ELAC2: variants seen among roughly 807,000 people sequenced by gnomAD.
The protein encoded by ELAC2 is zinc phosphodiesterase ELAC protein 2.
A neutral mutation model predicts 105.2 loss-of-function variants in ELAC2; 92 were observed. The ratio of observed to expected loss-of-function variants is 0.87; its 90% CI spans 0.74 to 1.04. The LOEUF (loss-of-function observed/expected upper bound fraction) is 1.04. ELAC2 is among the 50% of genes least tolerant of loss of function. ELAC2 has a pLI of 0.00. For missense variants in ELAC2, 1,099 were observed against 1,071.7 expected (o/e 1.03, Z -0.36); for synonymous variants, 468 against 409.1 (o/e 1.14, Z -1.74).
chr17:13,001,470 C>A (rs975429326), intron 14 of ELAC2, among the ~76,000 whole-genome samples: 3 of 151,764 alleles, frequency 2.0e-5, no homozygotes, highest in Admixed American at 6.6e-5. Context: ...CCAGCCTGGG[C>A]AACAAGAGTG....
At chr17:13,016,366 C>T (rs535543499) in intron 3 of ELAC2, among the ~76,000 whole-genome samples, 3 of 152,336 alleles carry the variant, frequency 2.0e-5, no homozygotes, top group African/African-American at 7.2e-5. Context: ...TGCCACAAAT[C>T]TCTGTCCCCG....
intron 4 of ELAC2, among the ~76,000 whole-genome samples, chr17:13,015,159 G>T (rs1454567996): frequency 6.6e-6 from 1 of 152,210 alleles, no homozygotes; most frequent in Non-Finnish European, 1.5e-5. Flanking sequence ...GCTGCTGTGT[G>T]GCAGATGGAT....
rs2040229121 is a variant in ELAC2 at position 12,992,415 on chromosome 17, C to T, written c.*403G>A. 1 of 367,470 alleles carries T rather than the reference C, an allele frequency of 2.7e-6. No homozygotes were observed. Among genetic ancestry groups the T allele is most frequent in the Non-Finnish European group, 5.1e-6 (1 of 196,804 alleles). 22.8% of individuals were successfully genotyped at this position (367,470 alleles called of 1,614,324 possible). On this transcript the variant is annotated 3_prime_UTR_variant, in exon 24 of 24. Coordinates refer to ENST00000338034, the MANE Select transcript of ELAC2 (RefSeq NM_018127.7). ...ATTGCAAACTCAATCTTTATTGCAG[C>T]TGAAATACTATTTTCGTTAAGTCTC...
At chr17:13,014,104 C>T (rs184730946) in intron 5 of ELAC2, among the ~76,000 whole-genome samples, 50 of 152,060 alleles carry the variant, frequency 3.3e-4, no homozygotes, top group Admixed American at 1.0e-3. Context: ...CTATCCTGGC[C>T]AACATGGTGA....
intron 12 of ELAC2, chr17:13,002,804 G>C (rs1292649886): frequency 2.3e-5 from 15 of 648,402 alleles, no homozygotes; most frequent in Non-Finnish European, 3.7e-5. Context: ...AAGAGTGAGA[G>C]GAAAAACAAG....
chr17:13,016,875 A>C lies in ELAC2; in HGVS notation c.354T>G (p.Val118=), dbSNP rs1386659160. The part of the protein sequence containing the change: ...IFLTRMHWSN[V]GGLSGMILTL... ...GAATATACTCACCACTTAAGCCCCCAACATTAGACCAGTGCATTCGTGTCA... is the reference window on the plus strand; with the variant it reads ...GAATATACTCACCACTTAAGCCCCCCACATTAGACCAGTGCATTCGTGTCA... The change falls in exon 3 of 24, where the codon GTT becomes GTG. Residue 118 remains valine, a synonymous_variant. Coordinates refer to ENST00000338034, the MANE Select transcript of ELAC2 (RefSeq NM_018127.7). 1.2e-6 allele frequency: 2 copies of C among 1,614,106 alleles called. No individual in the cohort carries two copies. The highest frequency in any genetic ancestry group is 2.2e-5 in the South Asian group (2 of 91,078).
intron 20 of ELAC2, 36 bp from the exon 21 acceptor site, chr17:12,994,920 C>T: frequency 6.2e-7 from 1 of 1,614,118 alleles, no homozygotes; most frequent in Non-Finnish European, 8.5e-7. Context: ...TGCAGCTCTG[C>T]TCCCCACCTC....
Position 13,015,807 on chromosome 17 carries a change from G to C in ELAC2, c.393C>G (p.Thr131=). The C allele has an allele frequency of 6.2e-7, 1 of 1,613,984 alleles. No homozygotes were observed. Among genetic ancestry groups the C allele is most frequent in the African/African-American group, 1.3e-5 (1 of 75,054 alleles). ...CAGAAAGTACACACTTTGGAAGCCC[G>C]GTTTCCTTTAAAGTAAGAATCATTC... ...LSGMILTLKE[T]GLPKCVLSGP... Residue 131 remains threonine, a synonymous_variant, in exon 4 of 24, where the codon ACC becomes ACG. Coordinates refer to ENST00000338034, the MANE Select transcript of ELAC2 (RefSeq NM_018127.7).
In ELAC2 at chr17:12,992,008, C is replaced by T. The variant is rs564770913; in HGVS notation, c.*810G>A. On this transcript the variant is annotated 3_prime_UTR_variant, in exon 24 of 24. Coordinates refer to ENST00000338034, the MANE Select transcript of ELAC2 (RefSeq NM_018127.7). ...TTCGAGGGCAAAGTGATCCTCACTC[C>T]TCTCAGTATGGAAGCAACAACACAG... Among the ~76,000 whole-genome samples the T allele has an allele frequency of 2.0e-5, 3 of 152,214 alleles. No individual in the cohort carries two copies. The highest frequency in any genetic ancestry group is 2.9e-5 in the Non-Finnish European group (2 of 68,040).
At chr17:13,014,390 C>T in intron 5 of ELAC2, 49 bp downstream of exon 5, 1 of 1,386,030 alleles carries the variant, frequency 7.2e-7, no homozygotes, top group Non-Finnish European at 1.0e-6. Context: ...GAGGTCAGGG[C>T]ATATATAAGT....
At chr17:12,996,307 G>A in intron 17 of ELAC2, 1 of 662,002 alleles carries the variant, frequency 1.5e-6, no homozygotes, top group East Asian at 2.7e-5. Flanking sequence ...AAGACTCAAG[G>A]AAGGCTGGGT....
chr17:12,999,144 G>C (rs1298332117), intron 15 of ELAC2, among the ~76,000 whole-genome samples: 1 of 152,174 alleles, frequency 6.6e-6, no homozygotes. Context: ...TCACCAAAAG[G>C]CTAAGAAGAA....
chr17:13,017,894 C>G lies in ELAC2; in HGVS notation c.54G>C (p.Gln18His). ...LRSAAGRTMSQGRTISQAPAR... is the reference protein window; with the variant it reads ...LRSAAGRTMSHGRTISQAPAR... The stretch of plus-strand genomic sequence containing the variant: ...CGGGTGCCTGCGATATGGTGCGTCC[C>G]TGCGACATGGTGCGTCCGGCCGCGG... The change falls in exon 1 of 24, where the codon CAG becomes CAC. Residue 18 changes from glutamine to histidine, a missense_variant. By Grantham distance (24) the Gln-to-His change is conservative. Coordinates refer to ENST00000338034, the MANE Select transcript of ELAC2 (RefSeq NM_018127.7). 2 of 1,545,486 alleles carry G rather than the reference C, an allele frequency of 1.3e-6. No homozygotes were observed. Among genetic ancestry groups the G allele is most frequent in the Non-Finnish European group, 1.7e-6 (2 of 1,148,006 alleles).
At chr17:12,993,245 C>T (rs964085818) in intron 23 of ELAC2, among the ~76,000 whole-genome samples, 200 bp from the exon 24 acceptor site, 1 of 152,232 alleles carries the variant, frequency 6.6e-6, no homozygotes, top group South Asian at 2.1e-4. Context: ...CCAGGCCTGG[C>T]TAAGGGCCTC....
intron 7 of ELAC2, among the ~76,000 whole-genome samples, chr17:13,011,236 C>G (rs1401617606): frequency 6.6e-6 from 1 of 152,218 alleles, no homozygotes; most frequent in African/African-American, 2.4e-5. Flanking sequence ...ACTTTTAACT[C>G]CGTTTCCCAG....
At chr17:13,009,729 G>A (rs969903048) in intron 8 of ELAC2, among the ~76,000 whole-genome samples, 7 of 152,302 alleles carry the variant, frequency 4.6e-5, no homozygotes, top group South Asian at 2.1e-4. Context: ...AGTGCTTCAC[G>A]CCTGTAATCC....
Position 13,010,596 on chromosome 17 carries a change from C to G in ELAC2, c.738+17G>C. ...AAGACCCCAGTCATGTACAGCCCTC[C>G]GGAAAGTCTTCCTTACCTTACAGAT... On this transcript the variant is annotated intron_variant, in intron 8 of 23. Coordinates refer to ENST00000338034, the MANE Select transcript of ELAC2 (RefSeq NM_018127.7). 6.2e-7 allele frequency: 1 copy of G among 1,613,586 alleles called. No homozygotes were observed. Among genetic ancestry groups the G allele is most frequent in the Non-Finnish European group, 8.5e-7 (1 of 1,179,636 alleles).
intron 8 of ELAC2, among the ~76,000 whole-genome samples, chr17:13,007,104 C>CGA (rs1329466855): frequency 2.0e-5 from 3 of 147,566 alleles, no homozygotes; most frequent in Non-Finnish European, 4.5e-5. Context: ...GAGTGAGACT[C>CGA]TGTCTCAAAA....
intron 16 of ELAC2, 61 bp from the exon 17 acceptor site, chr17:12,996,746 C>A (rs1463809658): frequency 8.2e-6 from 13 of 1,591,136 alleles, no homozygotes; most frequent in Non-Finnish European, 1.0e-5. Flanking sequence ...GGTTCAGAGG[C>A]TGATGTCTGC....
Sources: allele counts gnomAD v4.1 joint callset (sites outside exome capture counted in the v4.1 genomes callset), GRCh38; gene constraint gnomAD v4.1.1; transcripts MANE v1.5; gene names NCBI Gene and HGNC (gene_info 2026-07-23, HGNC 2026-07-21).